PCDHA9: variants seen among roughly 807,000 people sequenced by gnomAD.
PCDHA9 encodes the protein protocadherin alpha-9.
Under a neutral mutation model 62.0 loss-of-function variants are expected in PCDHA9, and 62 were observed. The ratio of observed to expected loss-of-function variants is 1.00; its 90% confidence interval spans 0.81 to 1.23. PCDHA9 has a LOEUF of 1.23. Among genes scored for constraint, PCDHA9 ranks in the 50% most tolerant of loss-of-function variants. The probability of loss-of-function intolerance (pLI) is 0.00; values close to 1 mark genes in which losing one functional copy is unlikely to be tolerated. For missense variants in PCDHA9, 1,205 were observed against 1,249.8 expected, an observed-to-expected ratio of 0.96 and a Z score of 0.54; for synonymous variants, 557 against 567.6, an observed-to-expected ratio of 0.98 and a Z score of 0.27.
At chr5:140,944,818 T>G (rs1490682721) in intron 1 of PCDHA9, among the ~76,000 whole-genome samples, 1 of 152,236 alleles carries the variant, frequency 6.6e-6, no homozygotes, top group East Asian at 1.9e-4. Context: ...CAGTGATCTT[T>G]GCCCCATAAT....
At chr5:140,990,742 G>A (rs947618929) in intron 3 of PCDHA9, among the ~76,000 whole-genome samples, 2 of 152,176 alleles carry the variant, frequency 1.3e-5, no homozygotes, top group African/African-American at 4.8e-5. Context: ...CAGCCCTAGG[G>A]TGGATACCTT....
intron 1 of PCDHA9, among the ~76,000 whole-genome samples, chr5:140,871,905 G>A (rs1457249186): frequency 6.6e-6 from 1 of 152,124 alleles, no homozygotes; most frequent in Non-Finnish European, 1.5e-5. Flanking sequence ...GCAGAGTTTT[G>A]CCTTGATATT....
At position 140,951,508 on chromosome 5, in the gene PCDHA9, G is replaced by A. The variant is rs536073969; in HGVS notation, c.2395-27441G>A. Among the ~76,000 whole-genome samples the A allele has an allele frequency of 3.9e-5, 6 of 152,080 alleles. No individual in the cohort carries two copies. The South Asian group carries it at 6.2e-4, about 16-fold the overall frequency. On this transcript the variant is annotated intron_variant, in intron 1 of 3. Coordinates refer to ENST00000532602, the MANE Select transcript of PCDHA9 (RefSeq NM_031857.2). ...TCATGGTGGAAGGCAAAAGGAAAGC[G>A]GCTCATCTTACATGGCCGGTGCAGG...
chr5:140,856,831 A>G, intron 1 of PCDHA9: 1 of 1,591,946 alleles, frequency 6.3e-7, no homozygotes, highest in African/African-American at 1.3e-5. Flanking sequence ...CATTAGTAAT[A>G]CGGCTCAACG....
At position 140,982,581 on chromosome 5, in the gene PCDHA9, C is replaced by G. The variant is rs782060139; in HGVS notation, c.2542+18C>G. 6.2e-7 allele frequency: 1 copy of G among 1,612,214 alleles called. No homozygotes were observed. The highest frequency in any genetic ancestry group is 1.1e-5 in the South Asian group (1 of 90,796). The stretch of plus-strand genomic sequence containing the variant: ...AACACCAGGTAAAGAGCTGGGGTCT[C>G]TCCATTCTTTCTTGGTTTCTGGAAA... On this transcript the variant is annotated intron_variant, in intron 3 of 3. Transcript: ENST00000532602.
At chr5:140,959,815 C>T (rs1239999748) in intron 1 of PCDHA9, among the ~76,000 whole-genome samples, 1 of 151,920 alleles carries the variant, frequency 6.6e-6, no homozygotes, top group Non-Finnish European at 1.5e-5. Context: ...TATATTTTAC[C>T]CACATGATAA....
intron 1 of PCDHA9, chr5:140,967,767 A>G (rs782195052): frequency 1.2e-6 from 2 of 1,614,216 alleles, no homozygotes; most frequent in East Asian, 2.2e-5. Context: ...TACCAGATCT[A>G]TGTGCAGGCG....
At chr5:140,984,964 G>A (rs930753325) in intron 3 of PCDHA9, among the ~76,000 whole-genome samples, 1 of 151,936 alleles carries the variant, frequency 6.6e-6, no homozygotes. Context: ...TTGAGACAGA[G>A]TCTCGCTCTG....
At position 140,850,185 on chromosome 5, in the gene PCDHA9, G is replaced by T. The variant is rs1554143929; in HGVS notation, c.1690G>T (p.Ala564Ser). 3 of 1,593,776 alleles carry T rather than the reference G, an allele frequency of 1.9e-6. No individual in the cohort carries two copies. The highest frequency in any genetic ancestry group is 2.6e-6 in the Non-Finnish European group (3 of 1,167,762). Reference sequence around the variant, plus strand: ...GCTGGACGAGAACGACAATGCGCCGGCGCTGCTGACACCTCGGATGAGGGG... The same window carrying T: ...GCTGGACGAGAACGACAATGCGCCGTCGCTGCTGACACCTCGGATGAGGGG... ...FVLDENDNAPALLTPRMRGTD... is the reference protein window; with the variant it reads ...FVLDENDNAPSLLTPRMRGTD... The change falls in exon 1 of 4, where the codon GCG (alanine) becomes TCG (serine). Residue 564 changes from alanine to serine, a missense_variant. Ala to Ser is a moderately conservative substitution (Grantham distance 99, BLOSUM62 1). Around this residue, in one of 3 missense-constraint regions of PCDHA9, gnomAD observed 887 missense variants for 809.5 expected, o/e 1.10. Coordinates refer to ENST00000532602, the MANE Select transcript of PCDHA9 (RefSeq NM_031857.2).
chr5:141,003,574 A>G (rs559561339), intron 3 of PCDHA9, among the ~76,000 whole-genome samples: 22 of 151,680 alleles, frequency 1.5e-4, no homozygotes, highest in Admixed American at 3.9e-4. Context: ...CAGACTCCCA[A>G]AGTGCTGGGA....
chr5:141,009,533 G>T (rs1410740655), intron 3 of PCDHA9, 94 bp from the exon 4 acceptor site: 1 of 1,509,328 alleles, frequency 6.6e-7, no homozygotes, highest in African/African-American at 1.4e-5. Context: ...GGGAGGTTCA[G>T]CCTGCCTATG....
At chr5:140,944,134 A>G (rs890508296) in intron 1 of PCDHA9, among the ~76,000 whole-genome samples, 1 of 152,122 alleles carries the variant, frequency 6.6e-6, no homozygotes, top group East Asian at 1.9e-4. Context: ...GAAAAGGTTG[A>G]AGATTAGAAG....
At chr5:140,921,071 T>C (rs2080004942) in intron 1 of PCDHA9, among the ~76,000 whole-genome samples, 1 of 152,054 alleles carries the variant, frequency 6.6e-6, no homozygotes, top group Admixed American at 6.6e-5. Flanking sequence ...CCTTGAACTC[T>C]TGGGCTCAAG....
intron 1 of PCDHA9, chr5:140,876,498 C>A: frequency 6.2e-7 from 1 of 1,613,918 alleles, no homozygotes; most frequent in East Asian, 2.2e-5. Context: ...AAGTTCTGGA[C>A]GTGAATGACA....
In PCDHA9 at chr5:140,927,952, G is replaced by C. The variant is rs1352026553; in HGVS notation, c.2395-50997G>C. 6 of 1,614,064 alleles carry C rather than the reference G, an allele frequency of 3.7e-6. No homozygotes were observed. In the African/African-American group the frequency reaches 8.0e-5, roughly 22 times the overall value. On this transcript the variant is annotated intron_variant, in intron 1 of 3. Coordinates refer to ENST00000532602, the MANE Select transcript of PCDHA9 (RefSeq NM_031857.2). ...TTCGAACCCAGTACCTGAGGACGCTGCCCCTGGCACAGTGATTGCTCTCTT... is the reference window on the plus strand; with the variant it reads ...TTCGAACCCAGTACCTGAGGACGCTCCCCCTGGCACAGTGATTGCTCTCTT...
At position 140,848,513 on chromosome 5, in the gene PCDHA9, A is replaced by T; in HGVS notation, c.18A>T (p.Arg6=). 2 of 1,590,760 alleles carry T rather than the reference A, an allele frequency of 1.3e-6. No homozygotes were observed. Among genetic ancestry groups the T allele is most frequent in the Non-Finnish European group, 1.7e-6 (2 of 1,162,918 alleles). Residue 6 remains arginine (R), a synonymous_variant, in exon 1 of 4, where the codon CGA becomes CGT. Transcript: ENST00000532602. ...TATTTGAAATGTTATACTCAAGTCG[A>T]GGAGATCCAGAGGGTCAGCCTCTAC... is the stretch of plus-strand genomic sequence containing the variant. MLYSS[R]GDPEGQPLLL...
In PCDHA9 at chr5:140,926,973, G is replaced by T. The variant is rs369317394; in HGVS notation, c.2395-51976G>T. 5.0e-6 allele frequency: 8 copies of T among 1,609,646 alleles called. No homozygotes were observed. The African/African-American group carries it at 1.1e-4, about 21-fold the overall frequency. On this transcript the variant is annotated intron_variant, in intron 1 of 3. Transcript: ENST00000532602. ...CGGGACAGCTCGAGTACTCAGTGCC[G>T]GAGGAGACGGAGCGGGGCGTAGCCG...
intron 1 of PCDHA9, chr5:140,884,015 C>T: frequency 6.2e-7 from 1 of 1,613,158 alleles, no homozygotes. Flanking sequence ...GCTGATGCCG[C>T]GGTCGGTGGG....
chr5:140,871,364 G>A lies in PCDHA9; in HGVS notation c.2394+20475G>A, dbSNP rs113722940. ...AGCTGGTCATACTCGCAGCAGAGGC[G>A]GCAGAGGGTGTGCTCTGAGGAGGGC... On this transcript the variant is annotated intron_variant, in intron 1 of 3. Transcript: ENST00000532602. The A allele has an allele frequency of 2.5e-5, 40 of 1,614,220 alleles. 1 individual carries two copies. The highest frequency in any genetic ancestry group is 2.0e-4 in the African/African-American group (15 of 75,074).
Sources: allele counts gnomAD v4.1 joint callset (sites outside exome capture counted in the v4.1 genomes callset), GRCh38; gene constraint gnomAD v4.1.1; regional missense constraint gnomAD v4.1.1; transcripts MANE v1.5; gene names NCBI Gene and HGNC (gene_info 2026-07-23, HGNC 2026-07-21).